STAM2: variants seen among roughly 807,000 people sequenced by gnomAD.
The protein encoded by STAM2 is signal transducing adaptor molecule 2.
STAM2 carries 51 observed loss-of-function variants against 65.6 expected under a neutral mutation model. The ratio of observed to expected loss-of-function variants is 0.78; its 90% CI spans 0.62 to 0.98. The LOEUF (loss-of-function observed/expected upper bound fraction) is 0.98, where lower values mean the gene tolerates loss of function less well. Among genes scored for constraint, STAM2 ranks in the 50% least tolerant of loss-of-function variants. The pLI, the probability that STAM2 is intolerant of heterozygous loss-of-function variation, is 0.00. For synonymous variants in STAM2, 198 were observed against 208.4 expected (o/e 0.95, Z 0.43); for missense variants, 584 against 617.8 (o/e 0.95, Z 0.58).
intron 1 of STAM2, among the ~76,000 whole-genome samples, chr2:152,170,355 C>T (rs1477918823): frequency 1.3e-5 from 2 of 151,846 alleles, no homozygotes; most frequent in South Asian, 4.2e-4. Context: ...TGGTAGCAGG[C>T]GTCTGTAATC....
At chr2:152,124,967 G>C (rs1441591408) in intron 12 of STAM2, among the ~76,000 whole-genome samples, 1 of 152,212 alleles carries the variant, frequency 6.6e-6, no homozygotes, top group African/African-American at 2.4e-5. Context: ...AGTGAACAGT[G>C]TAGGTACAGA....
At chr2:152,174,841 T>C (rs995509997) in intron 1 of STAM2, among the ~76,000 whole-genome samples, 1 of 152,228 alleles carries the variant, frequency 6.6e-6, no homozygotes, top group African/African-American at 2.4e-5. Context: ...TTTCTCAGTT[T>C]GTTTTAGTGT....
intron 1 of STAM2, among the ~76,000 whole-genome samples, chr2:152,163,017 T>C (rs566632598): frequency 2.6e-5 from 4 of 152,306 alleles, no homozygotes; most frequent in African/African-American, 9.6e-5. Context: ...ATAAAATAGA[T>C]TTCAATTTGT....
chr2:152,137,223 TC>T (rs1349279348), intron 7 of STAM2, among the ~76,000 whole-genome samples: 2 of 152,146 alleles, frequency 1.3e-5, no homozygotes, highest in African/African-American at 4.8e-5. Flanking sequence ...TGCCAAATGT[TC>T]CCTAGAATGG....
At chr2:152,154,975 G>T (rs763174314) in intron 1 of STAM2, among the ~76,000 whole-genome samples, 1 of 152,114 alleles carries the variant, frequency 6.6e-6, no homozygotes, top group Non-Finnish European at 1.5e-5. Flanking sequence ...GACTCACATA[G>T]ACTAAATATA....
At chr2:152,133,613 A>G (rs1689104796) in intron 8 of STAM2, 129 bp from the exon 9 acceptor site, 1 of 654,136 alleles carries the variant, frequency 1.5e-6, no homozygotes. Flanking sequence ...ACCACATTTT[A>G]TAATCAATAT....
Position 152,147,881 on chromosome 2 carries a change from T to C in STAM2, c.300+143A>G, listed in dbSNP as rs1014339872. 1.9e-5 allele frequency: 13 copies of C among 682,664 alleles called. 1 individual carries two copies. The highest frequency in any genetic ancestry group is 1.8e-4 in the African/African-American group (10 of 54,982). 42.3% of individuals were successfully genotyped at this position (682,664 alleles called of 1,614,324 possible). ...GTTTTTGGTGCTACACATTAAAAAA[T>C]CAAATTTCAGAACAGTTTATTTCAT... is the stretch of plus-strand genomic sequence containing the variant. On this transcript the variant is annotated intron_variant, in intron 4 of 13. Transcript: ENST00000263904.
At chr2:152,151,246 A>T (rs1689440783) in intron 1 of STAM2, among the ~76,000 whole-genome samples, 1 of 147,616 alleles carries the variant, frequency 6.8e-6, no homozygotes, top group Non-Finnish European at 1.5e-5. Flanking sequence ...CAATGGCACG[A>T]TCTCAGCTCA....
At chr2:152,144,840 G>C in intron 6 of STAM2, 48 bp downstream of exon 6, 1 of 1,545,134 alleles carries the variant, frequency 6.5e-7, no homozygotes, top group Non-Finnish European at 8.9e-7. Flanking sequence ...CCCAGCCCTG[G>C]CAAAGATATT....
Position 152,144,881 on chromosome 2 carries a change from CATTTACCTTTAGCT to C in STAM2, c.510_517+6del. 2 of 1,612,474 alleles carry C rather than the reference CATTTACCTTTAGCT, an allele frequency of 1.2e-6. No individual in the cohort carries two copies. Among genetic ancestry groups the C allele is most frequent in the Non-Finnish European group, 1.7e-6 (2 of 1,178,582 alleles). ...CAACACTAAATTACATGTGCTTGATCATTTACCTTTAGCTATGTCTTCATCCTCTTTGTTTTTGT... is the reference window on the plus strand; with the variant it reads ...CAACACTAAATTACATGTGCTTGATCATGTCTTCATCCTCTTTGTTTTTGT... On this transcript the variant is annotated splice_donor_variant and splice_donor_5th_base_variant and coding_sequence_variant and intron_variant, in exon 6 of 14. Coordinates refer to ENST00000263904, the MANE Select transcript of STAM2 (RefSeq NM_005843.6). LOFTEE classifies it high-confidence loss of function.
At chr2:152,162,740 C>G (rs1396718054) in intron 1 of STAM2, among the ~76,000 whole-genome samples, 1 of 152,060 alleles carries the variant, frequency 6.6e-6, no homozygotes, top group Non-Finnish European at 1.5e-5. Flanking sequence ...CTCCCTGGTT[C>G]AAGTGATTCT....
At chr2:152,125,172 C>T (rs918109139) in intron 12 of STAM2, among the ~76,000 whole-genome samples, 1 of 152,188 alleles carries the variant, frequency 6.6e-6, no homozygotes, top group Non-Finnish European at 1.5e-5. Flanking sequence ...TCCACTTTCA[C>T]AGCAGCAGCG....
At chr2:152,141,581 TTTTGTTTG>T (rs565628185) in intron 7 of STAM2, among the ~76,000 whole-genome samples, 2 of 151,280 alleles carry the variant, frequency 1.3e-5, no homozygotes, top group Admixed American at 6.6e-5. Flanking sequence ...CTCAATGTTT[TTTTGTTTG>T]TTTGTTTGTT....
chr2:152,151,934 G>A (rs1471364135), intron 1 of STAM2, among the ~76,000 whole-genome samples: 1 of 152,074 alleles, frequency 6.6e-6, no homozygotes, highest in Non-Finnish European at 1.5e-5. Context: ...TGGGTTGGTT[G>A]GTTGGTTGGT....
chr2:152,154,771 A>ATAAAC (rs1330364646), intron 1 of STAM2, among the ~76,000 whole-genome samples: 1 of 152,218 alleles, frequency 6.6e-6, no homozygotes, highest in Non-Finnish European at 1.5e-5. Flanking sequence ...TCTACTCATA[A>ATAAAC]TAAACATCTG....
chr2:152,137,320 TTGA>T (rs1164928588), intron 7 of STAM2, among the ~76,000 whole-genome samples: 5 of 152,234 alleles, frequency 3.3e-5, no homozygotes, highest in Admixed American at 6.5e-5. Context: ...CAACTAACAC[TTGA>T]TAATCAGACA....
intron 13 of STAM2, among the ~76,000 whole-genome samples, chr2:152,122,229 A>G (rs1195047138): frequency 6.6e-6 from 1 of 151,648 alleles, no homozygotes; most frequent in Non-Finnish European, 1.5e-5. Flanking sequence ...CTGCTTTGAG[A>G]CCAGCCCAGG....
Position 152,150,242 on chromosome 2 carries a change from T to C in STAM2, c.41-13A>G, listed in dbSNP as rs778423229. 20 of 1,558,512 alleles carry C rather than the reference T, an allele frequency of 1.3e-5. No homozygotes were observed. The highest frequency in any genetic ancestry group is 4.5e-5 in the South Asian group (4 of 89,460). On this transcript the variant is annotated splice_polypyrimidine_tract_variant and intron_variant, in intron 1 of 13. Transcript: ENST00000263904. ...TTCGTGGCTTTTTCTATAAAATATATTGGCATACACAACAATGAGGACACA... is the reference window on the plus strand; with the variant it reads ...TTCGTGGCTTTTTCTATAAAATATACTGGCATACACAACAATGAGGACACA...
At position 152,118,410 on chromosome 2, in the gene STAM2, T is replaced by C. The variant is rs1035497046; in HGVS notation, c.*2164A>G. On this transcript the variant is annotated 3_prime_UTR_variant, in exon 14 of 14. Transcript: ENST00000263904. The stretch of plus-strand genomic sequence containing the variant: ...AGAAAGAAAAAAACTTCTGCACATA[T>C]AAACTTTCACCGATGTGCCAATATA... 1.3e-5 allele frequency: 2 copies of C among 149,826 alleles called. No homozygotes were observed. The highest frequency in any genetic ancestry group is 4.9e-5 in the African/African-American group (2 of 40,888). The allele number at this position is 149,826 out of a possible 1,614,324, so 9.3% of individuals were successfully genotyped here.
Sources: gnomAD v4.1 joint callset for allele counts (sites outside exome capture counted in the v4.1 genomes callset) on GRCh38, gnomAD v4.1.1 for gene constraint, MANE v1.5 for transcripts, NCBI Gene and HGNC (gene_info 2026-07-23, HGNC 2026-07-21) for gene names.